Variants in SGIP1 observed in about 807,000 individuals in gnomAD.
SGIP1 encodes SH3GL interacting endocytic adaptor 1.
Under a neutral mutation model 107.5 loss-of-function variants are expected in SGIP1, and 38 were observed. That is an observed-to-expected ratio of 0.35 (90% CI 0.27 to 0.46). SGIP1 has a LOEUF of 0.46. SGIP1 is among the 20% of genes least tolerant of loss of function. SGIP1 has a pLI of 1.00. For missense variants in SGIP1, 929 were observed against 1,019.5 expected, an observed-to-expected ratio of 0.91 and a Z score of 1.21; for synonymous variants, 365 against 366.1, an observed-to-expected ratio of 1.00 and a Z score of 0.03.
chr1:66,581,472 T>C (rs1330244368), intron 1 of SGIP1, among the ~76,000 whole-genome samples: 1 of 152,052 alleles, frequency 6.6e-6, no homozygotes, highest in Non-Finnish European at 1.5e-5. Context: ...TTATAAAATA[T>C]AGTTTTTATT....
chr1:66,732,794 C>T (rs1465582623), intron 20 of SGIP1, among the ~76,000 whole-genome samples: 2 of 151,784 alleles, frequency 1.3e-5, no homozygotes, highest in Non-Finnish European at 2.9e-5. Context: ...TCTTCCTTTG[C>T]AGGGTAGATT....
At chr1:66,536,219 C>A (rs996675670) in intron 1 of SGIP1, among the ~76,000 whole-genome samples, 9 of 144,086 alleles carry the variant, frequency 6.2e-5, no homozygotes, top group Non-Finnish European at 1.4e-4. Context: ...ATCTAATGAA[C>A]AATGTTATCT....
chr1:66,741,122 G>C, intron 23 of SGIP1, 150 bp from the exon 24 acceptor site: 1 of 824,804 alleles, frequency 1.2e-6, no homozygotes, highest in Non-Finnish European at 1.8e-6. Flanking sequence ...AAATAGAATT[G>C]CTCATAATAT....
intron 20 of SGIP1, among the ~76,000 whole-genome samples, chr1:66,731,760 A>G (rs557278565): frequency 1.3e-5 from 2 of 152,310 alleles, no homozygotes; most frequent in African/African-American, 2.4e-5. Context: ...TTTAGTGTCT[A>G]TCATCAGCCA....
chr1:66,548,510 G>C (rs1052249654), intron 1 of SGIP1, among the ~76,000 whole-genome samples: 6 of 152,070 alleles, frequency 3.9e-5, no homozygotes, highest in African/African-American at 1.4e-4. Context: ...AAAAAATGAA[G>C]ATATTAGAGA....
intron 1 of SGIP1, among the ~76,000 whole-genome samples, chr1:66,553,045 C>T (rs6662330): frequency 0.24 from 35,990 of 152,010 alleles, 4,583 homozygotes; most frequent in African/African-American, 0.32. Context: ...AACTCTTGCA[C>T]TTCCCATCTC....
chr1:66,687,367 G>A lies in SGIP1; in HGVS notation c.1316-1781G>A, dbSNP rs547420814. Among the ~76,000 whole-genome samples, 37 of 150,638 alleles carry A rather than the reference G, an allele frequency of 2.5e-4. 2 individuals carry two copies. The highest frequency in any genetic ancestry group is 7.1e-4 in the African/African-American group (29 of 41,086). On this transcript the variant is annotated intron_variant, in intron 15 of 24. Coordinates refer to ENST00000371037, the MANE Select transcript of SGIP1 (RefSeq NM_032291.4). The stretch of plus-strand genomic sequence containing the variant: ...TATTGATCCCTATGCTGTTACTTCC[G>A]TCTTCTGAAAACATCCTGGGTGAAA...
chr1:66,568,788 G>T (rs562310413), intron 1 of SGIP1, among the ~76,000 whole-genome samples: 2 of 152,064 alleles, frequency 1.3e-5, no homozygotes, highest in Non-Finnish European at 2.9e-5. Context: ...CTCAATAGAT[G>T]CAGAAAAGGC....
chr1:66,572,164 AAG>A (rs2060469705), intron 1 of SGIP1, among the ~76,000 whole-genome samples: 1 of 151,986 alleles, frequency 6.6e-6, no homozygotes, highest in African/African-American at 2.4e-5. Flanking sequence ...TCATGACCTA[AAG>A]AGAGAGAAAT....
intron 1 of SGIP1, among the ~76,000 whole-genome samples, chr1:66,578,644 A>G (rs1022740356): frequency 6.6e-6 from 1 of 152,120 alleles, no homozygotes; most frequent in Admixed American, 6.5e-5. Context: ...TACGCCCTTA[A>G]TTGTACAAAT....
At position 66,630,874 on chromosome 1, in the gene SGIP1, A is replaced by G. The variant is rs866095622; in HGVS notation, c.75-2196A>G. ...AAGAAAGAAAGAAAGAAAGAAAGAAAGAAAGAAAGAAAGAAAGAAAGAAAG... is the reference window on the plus strand; with the variant it reads ...AAGAAAGAAAGAAAGAAAGAAAGAAGGAAAGAAAGAAAGAAAGAAAGAAAG... On this transcript the variant is annotated intron_variant, in intron 2 of 24. Coordinates refer to ENST00000371037, the MANE Select transcript of SGIP1 (RefSeq NM_032291.4). Among the ~76,000 whole-genome samples, 146 of 56,292 alleles carry G rather than the reference A, an allele frequency of 2.6e-3. 14 individuals are homozygous for G. Among genetic ancestry groups the G allele is most frequent in the East Asian group, 0.014 (10 of 690 alleles). 36.9% of individuals were successfully genotyped at this position (56,292 alleles called of 152,430 possible). A position where few individuals can be genotyped will look rare whatever the true frequency, so the allele number is the denominator to read the frequency against.
intron 19 of SGIP1, among the ~76,000 whole-genome samples, chr1:66,728,161 G>T (rs1187256731): frequency 6.6e-6 from 1 of 152,160 alleles, no homozygotes; most frequent in East Asian, 1.9e-4. Context: ...AACTAGTTAA[G>T]TGCAAGGCAA....
At position 66,738,967 on chromosome 1, in the gene SGIP1, T is replaced by A. The variant is rs556011770; in HGVS notation, c.2032-368T>A. Among the ~76,000 whole-genome samples the A allele has an allele frequency of 2.2e-4, 34 of 152,196 alleles. No individual in the cohort carries two copies. The South Asian group carries it at 6.6e-3, about 30-fold the overall frequency. ...TAGCGGATGAGGGAAGTACAGAAGC[T>A]CAGAGAGGTTCTGAGCTAGGGACTT... is the stretch of plus-strand genomic sequence containing the variant. On this transcript the variant is annotated intron_variant, in intron 21 of 24. Coordinates refer to ENST00000371037, the MANE Select transcript of SGIP1 (RefSeq NM_032291.4).
chr1:66,719,480 T>C (rs1334925129), intron 19 of SGIP1, 75 bp downstream of exon 19: 7 of 1,143,852 alleles, frequency 6.1e-6, no homozygotes, highest in Non-Finnish European at 8.4e-6. Context: ...AATACAACCT[T>C]TTCATTTTTT....
At position 66,748,132 on chromosome 1, in the gene SGIP1, C is replaced by G. The variant is rs531853117; in HGVS notation, c.*5037C>G. On this transcript the variant is annotated 3_prime_UTR_variant, in exon 25 of 25. Transcript: ENST00000371037. ...AGGTTTTATTGTATTTTCCCTGCTCCTTTAGGCTTTTTTTTCATGTGGAAA... is the reference window on the plus strand; with the variant it reads ...AGGTTTTATTGTATTTTCCCTGCTCGTTTAGGCTTTTTTTTCATGTGGAAA... 3.3e-5 allele frequency: 5 copies of G among 151,804 alleles called. No homozygotes were observed. The highest frequency in any genetic ancestry group is 1.2e-4 in the African/African-American group (5 of 41,392). 9.4% of individuals were successfully genotyped at this position (151,804 alleles called of 1,614,324 possible). A position where few individuals can be genotyped will look rare whatever the true frequency, so the allele number is the denominator to read the frequency against.
chr1:66,589,528 G>A (rs189646933), intron 1 of SGIP1, among the ~76,000 whole-genome samples: 30 of 152,072 alleles, frequency 2.0e-4, no homozygotes, highest in African/African-American at 6.8e-4. Flanking sequence ...TTTCCCAGGG[G>A]CTCTTGAGCT....
At position 66,639,833 on chromosome 1, in the gene SGIP1, T is replaced by C. The variant is rs1164044115; in HGVS notation, c.228T>C (p.Tyr76=). The C allele has an allele frequency of 1.2e-6, 2 of 1,610,270 alleles. No individual in the cohort carries two copies. Among genetic ancestry groups the C allele is most frequent in the East Asian group, 2.2e-5 (1 of 44,724 alleles). ...ATGCGGAAATTGATTGGGAAAGATATGTGAGTATCAGAAGAGTGTTTCTCT... is the reference window on the plus strand; with the variant it reads ...ATGCGGAAATTGATTGGGAAAGATACGTGAGTATCAGAAGAGTGTTTCTCT... ...GFYAEIDWER[Y]NSPELDEEGY... The change falls in exon 5 of 25, where the codon TAT becomes TAC. Residue 76 remains tyrosine, a splice_region_variant and synonymous_variant. Coordinates refer to ENST00000371037, the MANE Select transcript of SGIP1 (RefSeq NM_032291.4).
At chr1:66,670,000 A>C (rs1189359165) in intron 9 of SGIP1, among the ~76,000 whole-genome samples, 2 of 152,214 alleles carry the variant, frequency 1.3e-5, no homozygotes, top group Non-Finnish European at 2.9e-5. Flanking sequence ...ATTAAAAAGT[A>C]GGAAAAAATG....
At chr1:66,590,864 C>T (rs1331345680) in intron 1 of SGIP1, among the ~76,000 whole-genome samples, 3 of 152,132 alleles carry the variant, frequency 2.0e-5, no homozygotes, top group Admixed American at 1.3e-4. Context: ...GAGTTACAGG[C>T]CTGATCCACT....
Sources: allele counts gnomAD v4.1 joint callset (sites outside exome capture counted in the v4.1 genomes callset), GRCh38; gene constraint gnomAD v4.1.1; transcripts MANE v1.5; gene names NCBI Gene and HGNC (gene_info 2026-07-23, HGNC 2026-07-21).